The following GRID2 variants were observed in gnomAD, a reference collection of about 807,000 sequenced individuals.
The protein encoded by GRID2 is glutamate ionotropic receptor delta type subunit 2.
In GRID2, 33 loss-of-function variants were observed where a neutral mutation model predicts 114.8. The observed-to-expected ratio is 0.29, with a 90% confidence interval of 0.22 to 0.38. The LOEUF is 0.38. GRID2 is among the 10% of genes least tolerant of loss of function. The probability of loss-of-function intolerance (pLI) is 1.00; values close to 1 mark genes in which losing one functional copy is unlikely to be tolerated. For synonymous variants in GRID2, 505 were observed against 449.9 expected (o/e 1.12, Z -1.55); for missense variants, 1,184 against 1,257.7 (o/e 0.94, Z 0.89).
intron 1 of GRID2, among the ~76,000 whole-genome samples, chr4:92,478,696 T>C (rs890246219): frequency 5.9e-5 from 9 of 152,146 alleles, no homozygotes; most frequent in African/African-American, 2.2e-4. Flanking sequence ...GTAAATGGCT[T>C]ACCTTGGACA....
chr4:93,508,415 T>C (rs1222706680), intron 12 of GRID2, among the ~76,000 whole-genome samples: 1 of 152,032 alleles, frequency 6.6e-6, no homozygotes, highest in East Asian at 1.9e-4. Flanking sequence ...CAGGATACTC[T>C]CCATCTCCTT....
intron 10 of GRID2, among the ~76,000 whole-genome samples, chr4:93,447,204 G>A (rs1722171033): frequency 6.6e-6 from 1 of 151,864 alleles, no homozygotes; most frequent in African/African-American, 2.4e-5. Flanking sequence ...CATGTAAATT[G>A]TTTTTAAAAC....
At chr4:92,927,434 G>C (rs1749893771) in intron 2 of GRID2, among the ~76,000 whole-genome samples, 1 of 151,754 alleles carries the variant, frequency 6.6e-6, no homozygotes, top group African/African-American at 2.4e-5. Context: ...TCTTGTGTTT[G>C]TGCCCAAGTT....
At chr4:93,016,709 A>G (rs1722778315) in intron 2 of GRID2, among the ~76,000 whole-genome samples, 1 of 152,168 alleles carries the variant, frequency 6.6e-6, no homozygotes, top group African/African-American at 2.4e-5. Flanking sequence ...ACAGAAAACT[A>G]GCAAAAGATT....
intron 2 of GRID2, among the ~76,000 whole-genome samples, chr4:92,833,111 A>G (rs1282980791): frequency 6.6e-5 from 10 of 152,184 alleles, no homozygotes; most frequent in Admixed American, 6.5e-4. Context: ...AGCATGAACA[A>G]TACTAACAGG....
At chr4:92,317,044 A>G (rs1000445009) in intron 1 of GRID2, among the ~76,000 whole-genome samples, 3 of 152,200 alleles carry the variant, frequency 2.0e-5, no homozygotes, top group African/African-American at 7.2e-5. Flanking sequence ...TTTGGTAATT[A>G]ATTAAGCTAA....
intron 9 of GRID2, among the ~76,000 whole-genome samples, chr4:93,405,848 G>T (rs954076654): frequency 6.6e-6 from 1 of 152,024 alleles, no homozygotes; most frequent in Non-Finnish European, 1.5e-5. Flanking sequence ...CTTCAGAAAT[G>T]AACATGAATA....
intron 13 of GRID2, among the ~76,000 whole-genome samples, chr4:93,561,774 T>A (rs1247759636): frequency 1.3e-5 from 2 of 152,120 alleles, no homozygotes; most frequent in Non-Finnish European, 2.9e-5. Flanking sequence ...GCAATTAGAG[T>A]CACAGAATTT....
chr4:92,687,299 A>G (rs1438515511), intron 2 of GRID2, among the ~76,000 whole-genome samples: 1 of 151,938 alleles, frequency 6.6e-6, no homozygotes, highest in Non-Finnish European at 1.5e-5. Flanking sequence ...TGTTGACTAT[A>G]ATTCTTACCA....
At chr4:93,632,661 G>T (rs1721028060) in intron 14 of GRID2, among the ~76,000 whole-genome samples, 1 of 152,130 alleles carries the variant, frequency 6.6e-6, no homozygotes, top group Non-Finnish European at 1.5e-5. Context: ...GATGCCTCCA[G>T]CTTTGTTCTT....
chr4:93,692,959 C>T (rs1296767077), intron 14 of GRID2, among the ~76,000 whole-genome samples: 3 of 152,056 alleles, frequency 2.0e-5, no homozygotes, highest in Non-Finnish European at 4.4e-5. Context: ...TTATTTAGTG[C>T]AATATAAATA....
intron 1 of GRID2, among the ~76,000 whole-genome samples, chr4:92,587,215 G>A: frequency 6.6e-6 from 1 of 151,596 alleles, no homozygotes; most frequent in Non-Finnish European, 1.5e-5. Flanking sequence ...ATAAAACTGA[G>A]TGTAAAATCA....
chr4:92,620,936 G>A (rs1402792057), intron 2 of GRID2, among the ~76,000 whole-genome samples: 1 of 141,114 alleles, frequency 7.1e-6, no homozygotes, highest in Non-Finnish European at 1.5e-5. Flanking sequence ...AAAACTTAAA[G>A]TATAATAATA....
At chr4:92,671,146 A>G (rs1292843491) in intron 2 of GRID2, among the ~76,000 whole-genome samples, 2 of 152,064 alleles carry the variant, frequency 1.3e-5, no homozygotes, top group Non-Finnish European at 2.9e-5. Flanking sequence ...GAAACTTAAA[A>G]TCATGGTCGA....
At chr4:92,693,578 C>T (rs891856660) in intron 2 of GRID2, among the ~76,000 whole-genome samples, 11 of 152,156 alleles carry the variant, frequency 7.2e-5, no homozygotes, top group African/African-American at 2.7e-4. Context: ...GTGAGATGAA[C>T]AGGAAATGAC....
At chr4:92,687,484 TA>T (rs927667949) in intron 2 of GRID2, among the ~76,000 whole-genome samples, 2 of 152,138 alleles carry the variant, frequency 1.3e-5, no homozygotes, top group African/African-American at 4.8e-5. Flanking sequence ...TGTAGTCTAT[TA>T]AGTGTGCACT....
intron 8 of GRID2, among the ~76,000 whole-genome samples, chr4:93,394,504 G>C (rs1334848124): frequency 2.0e-5 from 3 of 151,822 alleles, no homozygotes; most frequent in Non-Finnish European, 2.9e-5. Context: ...GTTTATTTGT[G>C]GGGGAGACTT....
intron 2 of GRID2, among the ~76,000 whole-genome samples, chr4:93,006,448 G>T (rs1048865989): frequency 6.6e-6 from 1 of 151,894 alleles, no homozygotes; most frequent in African/African-American, 2.4e-5. Flanking sequence ...AGAAAAGAAG[G>T]TGTTTGAAAT....
At position 92,936,683 on chromosome 4, in the gene GRID2, G is replaced by A. The variant is rs1464459995; in HGVS notation, c.245-148312G>A. Among the ~76,000 whole-genome samples the A allele has an allele frequency of 4.1e-5, 6 of 146,032 alleles. 3 individuals are homozygous for A. The highest frequency in any genetic ancestry group is 9.1e-5 in the Non-Finnish European group (6 of 66,060). Reference sequence around the variant, plus strand: ...GTCACAATTCTGTCTTAATTTCATAGTATTGCTGTAACTTCAATTAAGAGA... The same window carrying A: ...GTCACAATTCTGTCTTAATTTCATAATATTGCTGTAACTTCAATTAAGAGA... On this transcript the variant is annotated intron_variant, in intron 2 of 15. Transcript: ENST00000282020.
Sources: gnomAD v4.1 joint callset for allele counts (sites outside exome capture counted in the v4.1 genomes callset) on GRCh38, gnomAD v4.1.1 for gene constraint, MANE v1.5 for transcripts, NCBI Gene and HGNC (gene_info 2026-07-23, HGNC 2026-07-21) for gene names.